ZFYVE28: variants seen among roughly 807,000 people sequenced by gnomAD.
ZFYVE28 encodes the protein lateral signaling target protein 2 homolog.
In ZFYVE28, 40 loss-of-function variants were observed where a neutral mutation model predicts 82.1. That is an observed-to-expected ratio of 0.49 (90% CI 0.38 to 0.63). ZFYVE28 has a LOEUF of 0.63. Ranked by LOEUF, ZFYVE28 falls within the 30% of genes least tolerant of loss-of-function variation. ZFYVE28 has a pLI of 0.00. For synonymous variants in ZFYVE28, 612 were observed against 546.1 expected, an observed-to-expected ratio of 1.12 and a Z score of -1.68; for missense variants, 1,321 against 1,242.1, an observed-to-expected ratio of 1.06 and a Z score of -0.96.
At chr4:2,403,075 G>A in intron 1 of ZFYVE28, among the ~76,000 whole-genome samples, 1 of 152,250 alleles carries the variant, frequency 6.6e-6, no homozygotes, top group East Asian at 1.9e-4. Flanking sequence ...AGGGCACACA[G>A]AACAATACAG....
At chr4:2,375,594 C>A (rs1294430720) in intron 1 of ZFYVE28, among the ~76,000 whole-genome samples, 5 of 152,162 alleles carry the variant, frequency 3.3e-5, no homozygotes, top group Admixed American at 2.0e-4. Context: ...TAGCTTGCCC[C>A]ACACACTAAC....
intron 1 of ZFYVE28, among the ~76,000 whole-genome samples, chr4:2,366,082 T>C (rs1319737221): frequency 6.6e-6 from 1 of 152,202 alleles, no homozygotes; most frequent in Non-Finnish European, 1.5e-5. Context: ...GGAAGGACCC[T>C]GAGGCTGAAT....
intron 4 of ZFYVE28, among the ~76,000 whole-genome samples, chr4:2,338,749 G>A (rs1029563768): frequency 2.6e-5 from 4 of 152,184 alleles, no homozygotes; most frequent in African/African-American, 9.7e-5. Flanking sequence ...GATCTCCTAG[G>A]GGCCAGTAGA....
At chr4:2,279,531 G>C (rs1458289293) in intron 8 of ZFYVE28, among the ~76,000 whole-genome samples, 4 of 152,176 alleles carry the variant, frequency 2.6e-5, no homozygotes, top group Non-Finnish European at 4.4e-5. Context: ...TGTAATCCCA[G>C]CACTTTGGGA....
chr4:2,280,751 C>T (rs1467533728), intron 8 of ZFYVE28, among the ~76,000 whole-genome samples: 1 of 152,180 alleles, frequency 6.6e-6, no homozygotes, highest in African/African-American at 2.4e-5. Context: ...ACCCTCGGGC[C>T]CTGCCTGTGG....
chr4:2,354,453 A>AT (rs11454323), intron 1 of ZFYVE28, among the ~76,000 whole-genome samples: 22,250 of 122,500 alleles, frequency 0.18, 3,179 homozygotes, highest in African/African-American at 0.37. Flanking sequence ...CTCTCAGGAA[A>AT]TTTTTTTTTT....
At position 2,353,997 on chromosome 4, in the gene ZFYVE28, C is replaced by A. The variant is rs1244283611; in HGVS notation, c.116G>T (p.Ser39Ile). ...CTGGGGGTCCTTCCGCCCATCCAGG[C>A]TGTCCAGCTCCGCGGCCACCTGGTT... ...ELNQVAAELD[S>I]LDGRKDPQRC... Residue 39 changes from serine (S) to isoleucine (I), a missense_variant, in exon 2 of 13, where the codon AGC becomes ATC. By Grantham distance (142) the Ser-to-Ile change is moderately radical. This residue lies in a region of ZFYVE28 where 343 missense variants were observed against 408.4 expected (regional missense o/e 0.84). Transcript: ENST00000290974. 2 of 1,585,732 alleles carry A rather than the reference C, an allele frequency of 1.3e-6. No individual in the cohort carries two copies. The highest frequency in any genetic ancestry group is 2.3e-5 in the East Asian group (1 of 42,612).
At chr4:2,397,784 G>A (rs898394303) in intron 1 of ZFYVE28, among the ~76,000 whole-genome samples, 27 of 152,216 alleles carry the variant, frequency 1.8e-4, no homozygotes, top group South Asian at 8.3e-4. Context: ...ATATTCCACC[G>A]CATGAACACA....
intron 6 of ZFYVE28, among the ~76,000 whole-genome samples, chr4:2,322,677 G>A (rs58664715): frequency 0.021 from 3,237 of 152,288 alleles, 127 homozygotes; most frequent in African/African-American, 0.074. Context: ...ACGGTGCTGT[G>A]CACCCATCAC....
Position 2,394,314 on chromosome 4 carries a change from T to C in ZFYVE28, c.39+23971A>G, listed in dbSNP as rs1199996553. ...TCCAGGGATTCACACATGGACACCT[T>C]TGGGGGCCATCATTCTGCCTGCCGC... On this transcript the variant is annotated intron_variant, in intron 1 of 12. Transcript: ENST00000290974. This position sits in a 1 kb window ranked among gnomAD's most constrained non-coding sequence, Gnocchi z 4.0. 1.3e-5 allele frequency among the ~76,000 whole-genome samples: 2 copies of C among 152,158 alleles called. No individual in the cohort carries two copies. The highest frequency in any genetic ancestry group is 2.4e-5 in the African/African-American group (1 of 41,434).
chr4:2,361,597 G>A (rs886991315), intron 1 of ZFYVE28, among the ~76,000 whole-genome samples: 1 of 152,130 alleles, frequency 6.6e-6, no homozygotes, highest in East Asian at 1.9e-4. Context: ...CCCTGCACAG[G>A]GCACGGAAGC....
intron 7 of ZFYVE28, among the ~76,000 whole-genome samples, chr4:2,319,817 A>ACGG (rs1718787702): frequency 1.6e-5 from 1 of 62,176 alleles, no homozygotes; most frequent in Non-Finnish European, 3.0e-5. Flanking sequence ...GACGGTGGGG[A>ACGG]TGGTGGGGAT....
At chr4:2,312,812 AGGC>A (rs1489056887) in intron 7 of ZFYVE28, among the ~76,000 whole-genome samples, 1 of 151,498 alleles carries the variant, frequency 6.6e-6, no homozygotes, top group African/African-American at 2.4e-5. Context: ...TGGGAGGCCA[AGGC>A]GGGCAGATCA....
At position 2,362,661 on chromosome 4, in the gene ZFYVE28, G is replaced by A. The variant is rs767014062; in HGVS notation, c.40-8588C>T. ...TGACCTGGCAGCACCACCAGCCACC[G>A]GCAGCAGATCTGGGGCCCCAGACAG... On this transcript the variant is annotated intron_variant, in intron 1 of 12. Transcript: ENST00000290974. The surrounding 1 kb of genome is among the most constrained non-coding windows in gnomAD (Gnocchi z 5.1). Among the ~76,000 whole-genome samples the A allele has an allele frequency of 7.2e-5, 11 of 152,150 alleles. No homozygotes were observed. The highest frequency in any genetic ancestry group is 1.4e-4 in the African/African-American group (6 of 41,440).
At position 2,320,331 on chromosome 4, in the gene ZFYVE28, C is replaced by A. The variant is rs572241524; in HGVS notation, c.702-60G>T. 11 of 1,519,458 alleles carry A rather than the reference C, an allele frequency of 7.2e-6. No individual in the cohort carries two copies. Among genetic ancestry groups the A allele is most frequent in the Non-Finnish European group, 9.9e-6 (11 of 1,111,656 alleles). 94.1% of individuals were successfully genotyped at this position (1,519,458 alleles called of 1,614,324 possible). A position where few individuals can be genotyped will look rare whatever the true frequency, so the allele number is the denominator to read the frequency against. Reference sequence around the variant, plus strand: ...CCTGTGGCCCCCTGGGTGCCGCGGACGGCCCAACTTAACCACCTGCGAAAA... The same window carrying A: ...CCTGTGGCCCCCTGGGTGCCGCGGAAGGCCCAACTTAACCACCTGCGAAAA... On this transcript the variant is annotated intron_variant, in intron 6 of 12. Transcript: ENST00000290974. The surrounding 1 kb of genome is among the most constrained non-coding windows in gnomAD (Gnocchi z 5.1).
chr4:2,326,062 T>C (rs1719814407), intron 6 of ZFYVE28, among the ~76,000 whole-genome samples: 1 of 152,236 alleles, frequency 6.6e-6, no homozygotes, highest in African/African-American at 2.4e-5. Context: ...TTCAGTTTGA[T>C]GTAATCCAAT....
chr4:2,318,218 C>G (rs560798791), intron 7 of ZFYVE28, among the ~76,000 whole-genome samples: 1 of 152,330 alleles, frequency 6.6e-6, no homozygotes, highest in South Asian at 2.1e-4. Flanking sequence ...TCCCCAGGCT[C>G]TTAGTTCACC....
At chr4:2,414,065 C>G (rs1231550894) in intron 1 of ZFYVE28, among the ~76,000 whole-genome samples, 2 of 152,232 alleles carry the variant, frequency 1.3e-5, no homozygotes, top group Non-Finnish European at 1.5e-5. Context: ...GGGGCCCGCC[C>G]CCATCTGCCA....
intron 5 of ZFYVE28, among the ~76,000 whole-genome samples, chr4:2,336,894 G>A (rs1721858744): frequency 2.2e-5 from 3 of 136,938 alleles, no homozygotes; most frequent in Admixed American, 7.2e-5. Flanking sequence ...AGGAGGTGAG[G>A]TGAGGAGTTA....
Sources: gnomAD v4.1 joint callset for allele counts (sites outside exome capture counted in the v4.1 genomes callset) on GRCh38, gnomAD v4.1.1 for gene constraint, gnomAD v4.1.1 regional missense constraint, Gnocchi (gnomAD v3.1) non-coding constraint, MANE v1.5 for transcripts, NCBI Gene and HGNC (gene_info 2026-07-23, HGNC 2026-07-21) for gene names.